Variants in TMEM141 observed in about 807,000 individuals in gnomAD.
TMEM141 encodes transmembrane protein 141.
TMEM141 carries 18 observed loss-of-function variants against 15.9 expected under a neutral mutation model. That is an observed-to-expected ratio of 1.13 (90% CI 0.78 to 1.68). TMEM141 has a LOEUF of 1.68. Ranked by LOEUF, TMEM141 falls within the 40% of genes most tolerant of loss-of-function variation. The probability of loss-of-function intolerance (pLI) is 0.00; values close to 1 mark genes in which losing one functional copy is unlikely to be tolerated. For synonymous variants in TMEM141, 69 were observed against 54.0 expected, an observed-to-expected ratio of 1.28 and a Z score of -1.22; for missense variants, 161 against 139.5, an observed-to-expected ratio of 1.15 and a Z score of -0.78.
chr9:136,792,777 C>G, intron 4 of TMEM141, 42 bp from the exon 5 acceptor site: 1 of 1,481,970 alleles, frequency 6.7e-7, no homozygotes, highest in Non-Finnish European at 9.1e-7. Flanking sequence ...TGCCCAGCCA[C>G]GATGGATGTG....
In TMEM141 at chr9:136,792,710, T is replaced by C. The variant is rs1588325959; in HGVS notation, c.314-109T>C. 3.5e-6 allele frequency: 3 copies of C among 849,810 alleles called. No homozygotes were observed. The East Asian group carries it at 7.6e-5, about 22-fold the overall frequency. 52.6% of individuals were successfully genotyped at this position (849,810 alleles called of 1,614,324 possible). A position where few individuals can be genotyped will look rare whatever the true frequency, so the allele number is the denominator to read the frequency against. On this transcript the variant is annotated intron_variant, in intron 4 of 4. Coordinates refer to ENST00000290079, the MANE Select transcript of TMEM141 (RefSeq NM_032928.4). ...CATTGGACCCAGGCCTGGCCTCCAC[T>C]GCCCGTTGTCCTTGTTACGGAACCC...
rs182615926 is a variant in TMEM141, at chr9:136,792,943, G to A, written c.*111G>A. The A allele has an allele frequency of 5.2e-6, 7 of 1,343,946 alleles. No homozygotes were observed. The African/African-American group carries it at 6.0e-5, about 12-fold the overall frequency. 83.3% of individuals were successfully genotyped at this position (1,343,946 alleles called of 1,614,324 possible). A position where few individuals can be genotyped will look rare whatever the true frequency, so the allele number is the denominator to read the frequency against. On this transcript the variant is annotated 3_prime_UTR_variant, in exon 5 of 5. Transcript: ENST00000290079. ...CCCCACACCCTAGGGTACCCCAGTC[G>A]TATCCTCTGTCCGCATGTGTGGCCA...
At chr9:136,792,542 G>A (rs1208644983) in intron 4 of TMEM141, among the ~76,000 whole-genome samples, 184 bp downstream of exon 4, 1 of 152,236 alleles carries the variant, frequency 6.6e-6, no homozygotes, top group Non-Finnish European at 1.5e-5. Flanking sequence ...ACAGATCTTG[G>A]AGAGCTCCCT....
In TMEM141 at chr9:136,793,257, AC is replaced by A. The variant is rs1342143823; in HGVS notation, c.*428del. ...TAATAAATGGCTTATCCTTCTCTCC[AC>A]CCAAGTTTCCACCTGACCAGGTGAA... is the stretch of plus-strand genomic sequence containing the variant. On this transcript the variant is annotated 3_prime_UTR_variant, in exon 5 of 5. Transcript: ENST00000290079. The A allele has an allele frequency of 2.6e-5, 4 of 156,090 alleles. No homozygotes were observed. The highest frequency in any genetic ancestry group is 9.6e-5 in the African/African-American group (4 of 41,676). The allele number at this position is 156,090 out of a possible 1,614,324, so 9.7% of individuals were successfully genotyped here. A position where few individuals can be genotyped will look rare whatever the true frequency, so the allele number is the denominator to read the frequency against.
Position 136,791,424 on chromosome 9 carries a change from G to A in TMEM141, c.54G>A (p.Pro18=), listed in dbSNP as rs770722938. Residue 18 remains proline, a splice_region_variant and synonymous_variant, in exon 1 of 5, where the codon CCG becomes CCA. Coordinates refer to ENST00000290079, the MANE Select transcript of TMEM141 (RefSeq NM_032928.4). ...ACGACGCCGTGGCTGCCAAGCACCC[G>A]GTGAGAAGGCCGGTCTGGGACGCGG... The part of the protein sequence containing the change: ...RVDDAVAAKH[P]GLGEYAACQS... 7 of 1,556,840 alleles carry A rather than the reference G, an allele frequency of 4.5e-6. No homozygotes were observed. The highest frequency in any genetic ancestry group is 4.1e-5 in the African/African-American group (3 of 73,388).
At chr9:136,792,128 C>T (rs1564345134) in intron 3 of TMEM141, 98 bp downstream of exon 3, 1 of 1,547,772 alleles carries the variant, frequency 6.5e-7, no homozygotes, top group Non-Finnish European at 8.8e-7. Flanking sequence ...CATGGAGCCC[C>T]AGGTCTCGGC....
chr9:136,792,272 A>G lies in TMEM141; in HGVS notation c.227A>G (p.Tyr76Cys). ...ACAGTTGCAGGCTCTGTGGTCAGCT[A>G]CGGGGTGACGAGAGTGGAGTCGGAG... ...VAVVAGSVVSYGVTRVESEKC... is the reference protein window; with the variant it reads ...VAVVAGSVVSCGVTRVESEKC... Residue 76 changes from tyrosine (Y) to cysteine (C), a missense_variant, in exon 4 of 5, where the codon TAC becomes TGC. By Grantham distance (194) the Tyr-to-Cys change is radical. Coordinates refer to ENST00000290079, the MANE Select transcript of TMEM141 (RefSeq NM_032928.4). The G allele has an allele frequency of 1.3e-6, 2 of 1,586,458 alleles. No homozygotes were observed. Among genetic ancestry groups the G allele is most frequent in the Middle Eastern group, 1.7e-4 (1 of 6,024 alleles).
intron 1 of TMEM141, 31 bp from the exon 2 acceptor site, chr9:136,791,680 A>T (rs759866317): frequency 1.2e-6 from 2 of 1,607,960 alleles, no homozygotes; most frequent in Non-Finnish European, 8.5e-7. Context: ...AGGGCAGGGG[A>T]TCGAGCCTTC....
At chr9:136,791,506 C>A in intron 1 of TMEM141, 82 bp downstream of exon 1, 1 of 1,547,774 alleles carries the variant, frequency 6.5e-7, no homozygotes, top group South Asian at 1.2e-5. Context: ...GTGGGGGTGC[C>A]CTCGTCAGGG....
chr9:136,793,038 G>T lies in TMEM141; in HGVS notation c.*206G>T, dbSNP rs1366046826. On this transcript the variant is annotated 3_prime_UTR_variant, in exon 5 of 5. Coordinates refer to ENST00000290079, the MANE Select transcript of TMEM141 (RefSeq NM_032928.4). ...CTGCCCAGGAGGTTGGAGCAGAAAGGGCTCTCCCTGGGGTGGTGTTTCTCC... is the reference window on the plus strand; with the variant it reads ...CTGCCCAGGAGGTTGGAGCAGAAAGTGCTCTCCCTGGGGTGGTGTTTCTCC... The T allele has an allele frequency of 1.4e-5, 7 of 487,272 alleles. No homozygotes were observed. The highest frequency in any genetic ancestry group is 2.2e-5 in the Non-Finnish European group (7 of 325,180). 30.2% of individuals were successfully genotyped at this position (487,272 alleles called of 1,614,324 possible). A position where few individuals can be genotyped will look rare whatever the true frequency, so the allele number is the denominator to read the frequency against.
rs1275514092 is a variant in TMEM141 at position 136,791,415 on chromosome 9, C to T, written c.45C>T (p.Ala15=). The change falls in exon 1 of 5, where the codon GCC becomes GCT. Residue 15 remains alanine (A), a synonymous_variant. Transcript: ENST00000290079. ...GLSRVDDAVA[A]KHPGLGEYAA... ...CCCGGGTGGACGACGCCGTGGCTGCCAAGCACCCGGTGAGAAGGCCGGTCT... is the reference window on the plus strand; with the variant it reads ...CCCGGGTGGACGACGCCGTGGCTGCTAAGCACCCGGTGAGAAGGCCGGTCT... 6.4e-7 allele frequency: 1 copy of T among 1,558,802 alleles called. No homozygotes were observed. Among genetic ancestry groups the T allele is most frequent in the Non-Finnish European group, 8.7e-7 (1 of 1,151,724 alleles).
chr9:136,792,894 G>A lies in TMEM141; in HGVS notation c.*62G>A. The A allele has an allele frequency of 6.8e-7, 1 of 1,465,402 alleles. No homozygotes were observed. The highest frequency in any genetic ancestry group is 9.1e-7 in the Non-Finnish European group (1 of 1,104,526). The allele number at this position is 1,465,402 out of a possible 1,614,324, so 90.8% of individuals were successfully genotyped here. A position where few individuals can be genotyped will look rare whatever the true frequency, so the allele number is the denominator to read the frequency against. On this transcript the variant is annotated 3_prime_UTR_variant, in exon 5 of 5. Coordinates refer to ENST00000290079, the MANE Select transcript of TMEM141 (RefSeq NM_032928.4). ...GAGGAGTCTGGAACACAGCCTTCAT[G>A]CCCCCTGACCCCAGGCCGACCCTCC...
rs1354871210 is a variant in TMEM141 at position 136,793,073 on chromosome 9, T to C, written c.*241T>C. Reference sequence around the variant, plus strand: ...GGGGTGGTGTTTCTCCTCTAGGGTATTGGGATGCATGTTCTGCACTGCCAG... The same window carrying C: ...GGGGTGGTGTTTCTCCTCTAGGGTACTGGGATGCATGTTCTGCACTGCCAG... On this transcript the variant is annotated 3_prime_UTR_variant, in exon 5 of 5. Transcript: ENST00000290079. 1 of 358,530 alleles carries C rather than the reference T, an allele frequency of 2.8e-6. No homozygotes were observed. The highest frequency in any genetic ancestry group is 1.1e-4 in the South Asian group (1 of 9,318). 22.2% of individuals were successfully genotyped at this position (358,530 alleles called of 1,614,324 possible). A position where few individuals can be genotyped will look rare whatever the true frequency, so the allele number is the denominator to read the frequency against.
intron 1 of TMEM141, 107 bp downstream of exon 1, chr9:136,791,531 C>G: frequency 1.3e-6 from 2 of 1,545,302 alleles, no homozygotes; most frequent in African/African-American, 2.7e-5. Flanking sequence ...GTGGCGGAGG[C>G]TGGGGGCACT....
At position 136,791,996 on chromosome 9, in the gene TMEM141, A is replaced by C; in HGVS notation, c.171A>C (p.Pro57=). ...AGATGTTCATTCAGAGGAAGTTTCC[A>C]TACCCTTTGCAGTGGAGCCTCCTAG... The part of the protein sequence containing the change: ...GLQMFIQRKF[P]YPLQWSLLVA... The change falls in exon 3 of 5, where the codon CCA becomes CCC. Residue 57 remains proline, a synonymous_variant. Transcript: ENST00000290079. 1 of 1,614,058 alleles carries C rather than the reference A, an allele frequency of 6.2e-7. No homozygotes were observed. Among genetic ancestry groups the C allele is most frequent in the Non-Finnish European group, 8.5e-7 (1 of 1,180,014 alleles).
intron 2 of TMEM141, 84 bp downstream of exon 2, chr9:136,791,861 C>T (rs1847593620): frequency 1.2e-6 from 2 of 1,609,072 alleles, no homozygotes; most frequent in African/African-American, 2.7e-5. Flanking sequence ...GGCGCCAAGT[C>T]ACCTGCCCGC....
At position 136,791,770 on chromosome 9, in the gene TMEM141, C is replaced by G. The variant is rs760798974; in HGVS notation, c.114C>G (p.Phe38Leu). ...SHAFMKGVFT[F>L]VTGTGMAFGL... ...CCTTCATGAAGGGCGTTTTCACCTT[C>G]GTCACAGGTAGGCTGCGTCCAGGTG... The change falls in exon 2 of 5, where the codon TTC (phenylalanine) becomes TTG (leucine). Residue 38 changes from phenylalanine to leucine, a missense_variant. By Grantham distance (22) the Phe-to-Leu change is conservative. Transcript: ENST00000290079. The G allele has an allele frequency of 6.2e-7, 1 of 1,613,574 alleles. No homozygotes were observed. Among genetic ancestry groups the G allele is most frequent in the South Asian group, 1.1e-5 (1 of 91,082 alleles).
chr9:136,792,447 T>TA (rs1182669413), intron 4 of TMEM141, 89 bp downstream of exon 4: 3 of 1,097,520 alleles, frequency 2.7e-6, no homozygotes, highest in Non-Finnish European at 2.7e-6. Context: ...CACCATGCGA[T>TA]AGGCTAGACA....
At chr9:136,791,482 C>T in intron 1 of TMEM141, 58 bp downstream of exon 1, 3 of 1,547,746 alleles carry the variant, frequency 1.9e-6, no homozygotes, top group East Asian at 2.4e-5. Flanking sequence ...CTGAGCGAGG[C>T]GGGGGGCCGG....
Sources: gnomAD v4.1 joint callset for allele counts (sites outside exome capture counted in the v4.1 genomes callset) on GRCh38, gnomAD v4.1.1 for gene constraint, MANE v1.5 for transcripts, NCBI Gene and HGNC (gene_info 2026-07-23, HGNC 2026-07-21) for gene names.